The following DBF4 variants were observed in gnomAD, a reference collection of about 807,000 sequenced individuals.
DBF4 encodes DBF4-CDC7 kinase regulatory subunit.
A neutral mutation model predicts 76.6 loss-of-function variants in DBF4; 25 were observed. The observed-to-expected ratio is 0.33, with a 90% CI of 0.24 to 0.46. The LOEUF (loss-of-function observed/expected upper bound fraction) is 0.46, where lower values mean the gene tolerates loss of function less well. Among genes scored for constraint, DBF4 ranks in the 20% least tolerant of loss-of-function variants. DBF4 has a pLI of 1.00. For missense variants in DBF4, 638 were observed against 760.8 expected, an observed-to-expected ratio of 0.84 and a Z score of 1.90; for synonymous variants, 213 against 258.0, an observed-to-expected ratio of 0.83 and a Z score of 1.67.
chr7:87,885,599 A>C (rs750168064), intron 3 of DBF4, among the ~76,000 whole-genome samples: 5 of 152,232 alleles, frequency 3.3e-5, no homozygotes, highest in Non-Finnish European at 5.9e-5. Flanking sequence ...TATCAAAAGA[A>C]TATTTTGTGA....
chr7:87,882,442 T>C (rs1034375943), intron 2 of DBF4, among the ~76,000 whole-genome samples: 7 of 152,226 alleles, frequency 4.6e-5, no homozygotes, highest in African/African-American at 1.7e-4. Context: ...ACCAAAATCA[T>C]GTGCAACAAA....
intron 6 of DBF4, 54 bp from the exon 7 acceptor site, chr7:87,896,420 G>A (rs572502071): frequency 7.1e-7 from 1 of 1,413,662 alleles, no homozygotes; most frequent in East Asian, 2.3e-5. Context: ...AATTGCAGTT[G>A]CTGTTTTAAC....
chr7:87,902,252 A>C (rs1839806952), intron 10 of DBF4, among the ~76,000 whole-genome samples: 2 of 152,204 alleles, frequency 1.3e-5, no homozygotes, highest in Non-Finnish European at 2.9e-5. Flanking sequence ...AGAGGTTGGG[A>C]TTGAAATTTA....
intron 8 of DBF4, among the ~76,000 whole-genome samples, chr7:87,898,701 G>T (rs565492620): frequency 6.6e-6 from 1 of 150,508 alleles, no homozygotes; most frequent in East Asian, 2.0e-4. Context: ...TGAGGCAGGA[G>T]AATGGCGTGA....
intron 2 of DBF4, among the ~76,000 whole-genome samples, chr7:87,882,204 G>A (rs1245457132): frequency 6.6e-6 from 1 of 152,148 alleles, no homozygotes; most frequent in East Asian, 1.9e-4. Context: ...GGATTTTCAA[G>A]AAGGGTGCCA....
intron 11 of DBF4, among the ~76,000 whole-genome samples, chr7:87,905,038 C>G (rs542801736): frequency 6.6e-6 from 1 of 152,292 alleles, no homozygotes; most frequent in Non-Finnish European, 1.5e-5. Flanking sequence ...GCAACCTCTG[C>G]CTCCCAGGTA....
chr7:87,884,965 T>C lies in DBF4; in HGVS notation c.220-14T>C. On this transcript the variant is annotated splice_polypyrimidine_tract_variant and intron_variant, in intron 2 of 11. Coordinates refer to ENST00000265728, the MANE Select transcript of DBF4 (RefSeq NM_006716.4). The stretch of plus-strand genomic sequence containing the variant: ...AAACAAATTTATAAATAAAAATACT[T>C]TGTTCTCTTCTAGCGAGTTGAAGAA... The C allele has an allele frequency of 1.9e-6, 3 of 1,581,554 alleles. No homozygotes were observed. Among genetic ancestry groups the C allele is most frequent in the Non-Finnish European group, 2.6e-6 (3 of 1,156,182 alleles).
chr7:87,887,850 CAA>C, intron 5 of DBF4, 131 bp from the exon 6 acceptor site: 1 of 893,066 alleles, frequency 1.1e-6, no homozygotes, highest in Non-Finnish European at 1.6e-6. Context: ...TTAGAGGAGA[CAA>C]ACATTCAGAC....
chr7:87,890,053 T>C (rs1055820806), intron 6 of DBF4, among the ~76,000 whole-genome samples: 1 of 152,242 alleles, frequency 6.6e-6, no homozygotes, highest in African/African-American at 2.4e-5. Context: ...TTATGGACTC[T>C]GAATACACAA....
intron 6 of DBF4, among the ~76,000 whole-genome samples, chr7:87,889,894 A>G (rs1224382723): frequency 1.3e-5 from 2 of 152,220 alleles, no homozygotes; most frequent in Admixed American, 6.5e-5. Context: ...AATTTAAATG[A>G]CTATTTCCAA....
chr7:87,887,109 C>A (rs111946379), intron 4 of DBF4, among the ~76,000 whole-genome samples: 4 of 152,188 alleles, frequency 2.6e-5, no homozygotes, highest in African/African-American at 9.6e-5. Flanking sequence ...TTAAAACTTG[C>A]CTTATAGTTT....
At chr7:87,905,701 A>G (rs1223360212) in intron 11 of DBF4, among the ~76,000 whole-genome samples, 1 of 152,226 alleles carries the variant, frequency 6.6e-6, no homozygotes, top group African/African-American at 2.4e-5. Context: ...CATAAAGAAG[A>G]TTAGAAATGT....
chr7:87,888,567 T>G (rs1271901102), intron 6 of DBF4, among the ~76,000 whole-genome samples: 1 of 152,166 alleles, frequency 6.6e-6, no homozygotes. Context: ...CCTTGTTGCT[T>G]CTTTGAAGCA....
In DBF4 at chr7:87,888,034, A is replaced by C. The variant is rs186372390; in HGVS notation, c.572A>C (p.Lys191Thr). The C allele has an allele frequency of 4.5e-4, 709 of 1,562,528 alleles. 6 individuals are homozygous for C. The Admixed American group carries it at 0.014, about 30-fold the overall frequency. Residue 191 changes from lysine to threonine, a missense_variant, in exon 6 of 12, where the codon AAA (lysine) becomes ACA (threonine). Physicochemically the swap from Lys to Thr is moderately conservative, Grantham distance 78. Transcript: ENST00000265728. ...AAAAAAGAGTTGTATTTACTCAAGA[A>C]ATCAAGTACTTCAGTAAGAGATGGG... ...QKKKELYLLK[K>T]SSTSVRDGGK...
intron 2 of DBF4, 148 bp downstream of exon 2, chr7:87,878,373 C>A (rs1839123901): frequency 1.5e-6 from 1 of 654,644 alleles, no homozygotes; most frequent in Non-Finnish European, 2.5e-6. Flanking sequence ...TAACAAAAAA[C>A]CATTTGTTTT....
At chr7:87,904,186 G>T in intron 10 of DBF4, 106 bp from the exon 11 acceptor site, 1 of 1,183,742 alleles carries the variant, frequency 8.4e-7, no homozygotes. Flanking sequence ...AGTAGTTATT[G>T]GAAACCTAAT....
intron 5 of DBF4, 87 bp downstream of exon 5, chr7:87,887,485 T>C (rs1223422602): frequency 1.4e-6 from 2 of 1,383,258 alleles, no homozygotes; most frequent in African/African-American, 2.9e-5. Context: ...TAGTGAAATT[T>C]TGATAGCAGG....
rs1182372326 is a variant in DBF4 at position 87,909,241 on chromosome 7, C to T, written c.*1078C>T. On this transcript the variant is annotated 3_prime_UTR_variant, in exon 12 of 12. Transcript: ENST00000265728. ...GAGAAAATTCAAATATAAGAAATTT[C>T]AATTTGAATCTGTGGATATAAGGCA... The T allele has an allele frequency of 1.3e-5, 2 of 152,114 alleles. No individual in the cohort carries two copies. Among genetic ancestry groups the T allele is most frequent in the African/African-American group, 4.8e-5 (2 of 41,424 alleles). The allele number at this position is 152,114 out of a possible 1,614,324, so 9.4% of individuals were successfully genotyped here.
Position 87,876,729 on chromosome 7 carries a change from T to A in DBF4, c.-4T>A. On this transcript the variant is annotated 5_prime_UTR_variant, in exon 1 of 12. Coordinates refer to ENST00000265728, the MANE Select transcript of DBF4 (RefSeq NM_006716.4). The stretch of plus-strand genomic sequence containing the variant: ...ACCCAGCATGTAGGTGCCGGGCGAC[T>A]GCCATGAACTCCGGAGCCATGAGGA... The A allele has an allele frequency of 1.2e-6, 2 of 1,614,142 alleles. No individual in the cohort carries two copies. Among genetic ancestry groups the A allele is most frequent in the Non-Finnish European group, 1.7e-6 (2 of 1,180,036 alleles).
Sources: gnomAD v4.1 joint callset for allele counts (sites outside exome capture counted in the v4.1 genomes callset) on GRCh38, gnomAD v4.1.1 for gene constraint, MANE v1.5 for transcripts, NCBI Gene and HGNC (gene_info 2026-07-23, HGNC 2026-07-21) for gene names.